CCDC7: variants seen among roughly 807,000 people sequenced by gnomAD.
CCDC7 encodes coiled-coil domain-containing protein 7.
CCDC7 carries 183 observed loss-of-function variants against 196.9 expected under a neutral mutation model. The observed-to-expected ratio is 0.93, with a 90% CI of 0.82 to 1.05. The LOEUF is 1.05. CCDC7 is among the 50% of genes least tolerant of loss of function. CCDC7 has a pLI of 0.00. For missense variants in CCDC7, 1,540 were observed against 1,482.2 expected (o/e 1.04, Z -0.64); for synonymous variants, 525 against 484.6 (o/e 1.08, Z -1.10).
intron 3 of CCDC7, among the ~76,000 whole-genome samples, chr10:32,460,478 C>T (rs755409696): frequency 4.6e-5 from 7 of 152,110 alleles, no homozygotes; most frequent in Non-Finnish European, 1.0e-4. Flanking sequence ...TATTGTAGAA[C>T]TATGGCTACA....
At position 32,780,564 on chromosome 10, in the gene CCDC7, T is replaced by C. The variant is rs117344500; in HGVS notation, c.3013+1480T>C. ...GAAGTTGAGTTGGTGTCAATTCAAATTAAACTGTTATAACTTTAAGATGTT... is the reference window on the plus strand; with the variant it reads ...GAAGTTGAGTTGGTGTCAATTCAAACTAAACTGTTATAACTTTAAGATGTT... On this transcript the variant is annotated intron_variant, in intron 29 of 41. Transcript: ENST00000639629. 5.4e-4 allele frequency among the ~76,000 whole-genome samples: 82 copies of C among 152,268 alleles called. No individual in the cohort carries two copies. The East Asian group carries it at 0.014, about 25-fold the overall frequency.
At chr10:32,634,389 T>G (rs2065299692) in intron 19 of CCDC7, 25 bp downstream of exon 20, 2 of 941,408 alleles carry the variant, frequency 2.1e-6, no homozygotes, top group Non-Finnish European at 2.8e-6. Flanking sequence ...TATACATATC[T>G]TTACACTATT....
chr10:32,574,380 C>T lies in CCDC7; in HGVS notation c.1454+2487C>T, dbSNP rs2057945214. 2.7e-6 allele frequency: 4 copies of T among 1,473,140 alleles called. No homozygotes were observed. In the East Asian group the frequency reaches 1.0e-4, roughly 38 times the overall value. The allele number at this position is 1,473,140 out of a possible 1,614,324, so 91.3% of individuals were successfully genotyped here. ...TATAATAAAAATTCAAACTATTAAG[C>T]ACATGGCACAATATTATTCATCAAC... On this transcript the variant is annotated intron_variant, in intron 16 of 41. Transcript: ENST00000639629.
chr10:32,806,950 C>G (rs756681977), intron 30 of CCDC7, among the ~76,000 whole-genome samples: 5 of 152,058 alleles, frequency 3.3e-5, no homozygotes, highest in Admixed American at 6.6e-5. Context: ...ACTATTAGGG[C>G]CAGAAGGCAT....
At chr10:32,815,075 A>G (rs78242621) in intron 31 of CCDC7, among the ~76,000 whole-genome samples, 6,471 of 152,172 alleles carry the variant, frequency 0.043, 461 homozygotes, top group African/African-American at 0.15. Flanking sequence ...AACAACAACA[A>G]CAAGCAGCAA....
chr10:32,510,906 T>A (rs1373466686), intron 9 of CCDC7, among the ~76,000 whole-genome samples: 4 of 151,672 alleles, frequency 2.6e-5, no homozygotes, highest in Non-Finnish European at 2.9e-5. Context: ...CTTAATATCA[T>A]ATAGTGAAAA....
At chr10:32,480,345 T>TA (rs1195712678) in intron 8 of CCDC7, among the ~76,000 whole-genome samples, 1 of 152,028 alleles carries the variant, frequency 6.6e-6, no homozygotes, top group Non-Finnish European at 1.5e-5. Flanking sequence ...TATTTAGAGA[T>TA]AGGGTCTTGC....
intron 18 of CCDC7, among the ~76,000 whole-genome samples, chr10:32,594,986 T>G (rs2060170660): frequency 6.6e-6 from 1 of 152,210 alleles, no homozygotes; most frequent in South Asian, 2.1e-4. Context: ...TCAACGTTCA[T>G]CAGGGATATT....
chr10:32,682,981 A>G lies in CCDC7; in HGVS notation c.2123-2989A>G, dbSNP rs937455694. 2.6e-5 allele frequency among the ~76,000 whole-genome samples: 4 copies of G among 152,174 alleles called. No individual in the cohort carries two copies. In the East Asian group the frequency reaches 5.8e-4, roughly 22 times the overall value. On this transcript the variant is annotated intron_variant, in intron 21 of 41. Transcript: ENST00000639629. ...CTATTGATAGTTTCTTTTGCTCTGCAGAAGCTCTTTAGTTTAATTAGATCC... is the reference window on the plus strand; with the variant it reads ...CTATTGATAGTTTCTTTTGCTCTGCGGAAGCTCTTTAGTTTAATTAGATCC...
chr10:32,851,675 T>C (rs1020332555), intron 39 of CCDC7, 132 bp from the exon 41 acceptor site: 6 of 842,158 alleles, frequency 7.1e-6, no homozygotes, highest in Non-Finnish European at 1.1e-5. Context: ...TATGTATCCT[T>C]TCAGTTTTTT....
chr10:32,741,406 C>T (rs2085815651), intron 28 of CCDC7, among the ~76,000 whole-genome samples: 1 of 152,144 alleles, frequency 6.6e-6, no homozygotes, highest in African/African-American at 2.4e-5. Context: ...AGTCTGTATA[C>T]AGTCATTCCT....
chr10:32,640,797 G>T (rs183046677), intron 20 of CCDC7, among the ~76,000 whole-genome samples: 8 of 151,518 alleles, frequency 5.3e-5, no homozygotes, highest in African/African-American at 1.9e-4. Context: ...TGAAATTCTG[G>T]GTTGAAAATT....
intron 11 of CCDC7, among the ~76,000 whole-genome samples, chr10:32,523,151 A>G (rs1193680061): frequency 6.6e-6 from 1 of 152,200 alleles, no homozygotes; most frequent in Non-Finnish European, 1.5e-5. Flanking sequence ...GTTGGATGAA[A>G]TGTTCTATAA....
chr10:32,476,004 C>T (rs1411938308), intron 8 of CCDC7, among the ~76,000 whole-genome samples: 1 of 152,142 alleles, frequency 6.6e-6, no homozygotes, highest in Admixed American at 6.6e-5. Context: ...CTGTTATTAA[C>T]ATTTTGCATT....
At chr10:32,453,918 C>T (rs1284311127) in intron 2 of CCDC7, among the ~76,000 whole-genome samples, 2 of 152,126 alleles carry the variant, frequency 1.3e-5, no homozygotes, top group African/African-American at 2.4e-5. Flanking sequence ...AAGTTTCGTT[C>T]GTAACTGCCA....
At chr10:32,689,114 A>C (rs201369842) in exon 23 of CCDC7, 2 of 1,608,510 alleles carry the variant, frequency 1.2e-6, no homozygotes, top group East Asian at 2.2e-5. Flanking sequence ...TGTCAAAATC[A>C]GAAATGCAAG....
chr10:32,695,075 T>A, intron 24 of CCDC7, 83 bp downstream of exon 25: 1 of 623,742 alleles, frequency 1.6e-6, no homozygotes. Context: ...GACTATGTAG[T>A]TGAGCATATA....
intron 7 of CCDC7, 110 bp from the exon 9 acceptor site, chr10:32,473,857 T>C (rs1299530565): frequency 1.9e-6 from 2 of 1,047,662 alleles, no homozygotes; most frequent in Non-Finnish European, 2.6e-6. Context: ...TTTTTCAAAG[T>C]TTTCTTTCTT....
chr10:32,577,406 A>C (rs549586224), intron 16 of CCDC7, among the ~76,000 whole-genome samples: 2 of 152,164 alleles, frequency 1.3e-5, no homozygotes, highest in Admixed American at 6.5e-5. Context: ...ATAGCCTGAC[A>C]GTGTAACTAG....
Sources: gnomAD v4.1 joint callset for allele counts (sites outside exome capture counted in the v4.1 genomes callset) on GRCh38, gnomAD v4.1.1 for gene constraint, MANE v1.5 for transcripts, NCBI Gene and HGNC (gene_info 2026-07-23, HGNC 2026-07-21) for gene names.